The following ASAP1 variants were observed in gnomAD, a reference collection of about 807,000 sequenced individuals.
ASAP1 encodes ArfGAP with SH3 domain, ankyrin repeat and PH domain 1, also known as arf-GAP with SH3 domain, ANK repeat and PH domain-containing protein 1.
A neutral mutation model predicts 145.2 loss-of-function variants in ASAP1; 43 were observed. That is an observed-to-expected ratio of 0.30 (90% CI 0.23 to 0.38). The LOEUF is 0.38. Ranked by LOEUF, ASAP1 falls within the 10% of genes least tolerant of loss-of-function variation. ASAP1 has a pLI of 1.00. For missense variants in ASAP1, 1,018 were observed against 1,355.3 expected (o/e 0.75, Z 3.91); for synonymous variants, 546 against 515.5 (o/e 1.06, Z -0.80).
At position 130,256,437 on chromosome 8, in the gene ASAP1, A is replaced by T. The variant is rs547094076; in HGVS notation, c.187-19443T>A. ...GGGCGGTGGGGGAACTTCCATCACC[A>T]CTCTGAATTCATTCATTTGGCACAA... On this transcript the variant is annotated intron_variant, in intron 3 of 29. Coordinates refer to ENST00000518721, the MANE Select transcript of ASAP1 (RefSeq NM_018482.4). Among the ~76,000 whole-genome samples, 311 of 151,970 alleles carry T rather than the reference A, an allele frequency of 2.0e-3. 1 individual carries two copies. Among genetic ancestry groups the T allele is most frequent in the African/African-American group, 7.2e-3 (298 of 41,432 alleles).
intron 3 of ASAP1, chr8:130,340,945 T>G (rs570745659): frequency 2.8e-4 from 124 of 442,984 alleles, no homozygotes; most frequent in African/African-American, 1.9e-3. Flanking sequence ...AAATACTAGG[T>G]TTTTTTTTGT....
chr8:130,145,320 G>GT (rs1186682973), intron 13 of ASAP1, among the ~76,000 whole-genome samples: 2 of 152,124 alleles, frequency 1.3e-5, no homozygotes, highest in African/African-American at 4.8e-5. Context: ...TATGGCATAT[G>GT]TTTTTTTCTT....
At chr8:130,317,745 T>C (rs1429392930) in intron 3 of ASAP1, among the ~76,000 whole-genome samples, 4 of 152,226 alleles carry the variant, frequency 2.6e-5, no homozygotes, top group Non-Finnish European at 5.9e-5. Context: ...GAGTGGAATG[T>C]AGCAGATGTT....
intron 3 of ASAP1, among the ~76,000 whole-genome samples, chr8:130,347,619 A>G (rs1013043789): frequency 3.3e-5 from 5 of 152,148 alleles, no homozygotes; most frequent in African/African-American, 1.2e-4. Flanking sequence ...CCCCAGGCTG[A>G]AGACGAAGAC....
rs539309446 is a variant in ASAP1 at position 130,402,980 on chromosome 8, T to G, written c.-27-1010A>C. Among the ~76,000 whole-genome samples, 98 of 152,070 alleles carry G rather than the reference T, an allele frequency of 6.4e-4. 1 individual carries two copies. Among genetic ancestry groups the G allele is most frequent in the South Asian group, 3.3e-3 (16 of 4,816 alleles). On this transcript the variant is annotated intron_variant, in intron 1 of 29. Transcript: ENST00000518721. ...GTGTACAGACATAAAAACAGAGAAG[T>G]GTATCATATACCCCCTGAACCCACC... is the stretch of plus-strand genomic sequence containing the variant.
At chr8:130,286,450 C>A (rs1001787092) in intron 3 of ASAP1, among the ~76,000 whole-genome samples, 3 of 152,206 alleles carry the variant, frequency 2.0e-5, no homozygotes, top group Non-Finnish European at 4.4e-5. Flanking sequence ...TCGGGAGTCA[C>A]AGCAGCTAGA....
At chr8:130,072,369 A>AT (rs1293327022) in intron 27 of ASAP1, among the ~76,000 whole-genome samples, 1 of 152,174 alleles carries the variant, frequency 6.6e-6, no homozygotes, top group African/African-American at 2.4e-5. Flanking sequence ...ATGGTAGTGA[A>AT]TAAGTCTCAT....
intron 3 of ASAP1, among the ~76,000 whole-genome samples, chr8:130,322,557 A>G (rs1824073176): frequency 6.6e-6 from 1 of 152,226 alleles, no homozygotes; most frequent in South Asian, 2.1e-4. Flanking sequence ...GGGGACTAGG[A>G]ATCAGATAGG....
In ASAP1 at chr8:130,430,693, C is replaced by T. The variant is rs142054237; in HGVS notation, c.-28+12767G>A. On this transcript the variant is annotated intron_variant, in intron 1 of 29. Transcript: ENST00000518721. ...AGAGAAACCACCCAGAACACTGACC[C>T]GAGGCAGGAACTGTGGGATGGACAG... 4.6e-5 allele frequency among the ~76,000 whole-genome samples: 7 copies of T among 152,028 alleles called. No homozygotes were observed. The East Asian group carries it at 5.8e-4, about 13-fold the overall frequency.
At chr8:130,374,184 T>C (rs1035989721) in intron 2 of ASAP1, among the ~76,000 whole-genome samples, 1 of 152,130 alleles carries the variant, frequency 6.6e-6, no homozygotes, top group African/African-American at 2.4e-5. Flanking sequence ...TCCTCATCTC[T>C]AAAATGAGGC....
chr8:130,386,952 C>T (rs1828046983), intron 2 of ASAP1: 1 of 152,164 alleles, frequency 6.6e-6, no homozygotes, highest in Admixed American at 6.5e-5. Flanking sequence ...AGCACCAAAC[C>T]CCAAATATTT....
chr8:130,137,324 G>A (rs945900590), intron 13 of ASAP1, among the ~76,000 whole-genome samples: 8 of 152,122 alleles, frequency 5.3e-5, no homozygotes, highest in African/African-American at 1.2e-4. Context: ...AAAATTAGGT[G>A]TCCTACTAAA....
chr8:130,211,193 G>C (rs1217869411), intron 5 of ASAP1, among the ~76,000 whole-genome samples: 1 of 152,146 alleles, frequency 6.6e-6, no homozygotes, highest in Non-Finnish European at 1.5e-5. Flanking sequence ...GGAGGAGGGG[G>C]GAGTAAGAAA....
At chr8:130,218,609 C>G (rs1040934470) in intron 4 of ASAP1, among the ~76,000 whole-genome samples, 1 of 152,208 alleles carries the variant, frequency 6.6e-6, no homozygotes, top group Non-Finnish European at 1.5e-5. Context: ...AAGGCAGAGA[C>G]AGGCCATAGG....
At chr8:130,309,907 G>C (rs1823228790) in intron 3 of ASAP1, among the ~76,000 whole-genome samples, 2 of 152,120 alleles carry the variant, frequency 1.3e-5, no homozygotes, top group South Asian at 4.1e-4. Context: ...CCAGAACTCA[G>C]CATGAGTCTT....
intron 9 of ASAP1, 120 bp downstream of exon 9, chr8:130,179,144 T>A (rs1814173751): frequency 3.6e-6 from 2 of 562,474 alleles, no homozygotes; most frequent in Non-Finnish European, 6.2e-6. Flanking sequence ...CTGAAAAAGG[T>A]CATTATATCA....
Position 130,246,500 on chromosome 8 carries a change from C to T in ASAP1, c.187-9506G>A, listed in dbSNP as rs554386371. On this transcript the variant is annotated intron_variant, in intron 3 of 29. Coordinates refer to ENST00000518721, the MANE Select transcript of ASAP1 (RefSeq NM_018482.4). ...GTTATCATAATAGTGAGTGAGTTCT[C>T]ACAAGATCTGATGGTTAAAAAGTAC... Among the ~76,000 whole-genome samples the T allele has an allele frequency of 5.3e-5, 8 of 152,140 alleles. 1 individual carries two copies. The South Asian group carries it at 1.5e-3, about 28-fold the overall frequency.
chr8:130,343,390 C>T (rs1825510707), intron 3 of ASAP1, among the ~76,000 whole-genome samples: 1 of 152,174 alleles, frequency 6.6e-6, no homozygotes, highest in African/African-American at 2.4e-5. Flanking sequence ...TTTTTCCCTT[C>T]ACTACTCCTA....
At chr8:130,340,948 TTTTTTGTTTTTG>T (rs372372205) in intron 3 of ASAP1, 7,807 of 447,604 alleles carry the variant, frequency 0.017, 123 homozygotes, top group East Asian at 0.053. Context: ...TACTAGGTTT[TTTTTTGTTTTTG>T]TTTTTGTTTT....
Sources: gnomAD v4.1 joint callset for allele counts (sites outside exome capture counted in the v4.1 genomes callset) on GRCh38, gnomAD v4.1.1 for gene constraint, MANE v1.5 for transcripts, NCBI Gene and HGNC (gene_info 2026-07-23, HGNC 2026-07-21) for gene names.